Variants in USP45 observed in about 807,000 individuals in gnomAD.
USP45 encodes the protein ubiquitin carboxyl-terminal hydrolase 45.
In USP45, 89 loss-of-function variants were observed where a neutral mutation model predicts 95.8. That is an observed-to-expected ratio of 0.93 (90% CI 0.78 to 1.11). The LOEUF is 1.11. Among genes scored for constraint, USP45 ranks in the 50% least tolerant of loss-of-function variants. USP45 has a pLI of 0.00. For missense variants in USP45, 898 were observed against 942.5 expected (o/e 0.95, Z 0.62); for synonymous variants, 281 against 316.2 (o/e 0.89, Z 1.18).
intron 9 of USP45, among the ~76,000 whole-genome samples, chr6:99,471,823 AG>A (rs1464094694): frequency 2.0e-5 from 3 of 152,208 alleles, no homozygotes; most frequent in Admixed American, 2.0e-4. Context: ...CTACAACAAC[AG>A]CATGATTAAC....
chr6:99,464,421 G>A (rs1787362586), intron 13 of USP45, among the ~76,000 whole-genome samples, 183 bp downstream of exon 13: 1 of 152,182 alleles, frequency 6.6e-6, no homozygotes, highest in African/African-American at 2.4e-5. Flanking sequence ...GTCTGGGATG[G>A]GAGGAAGGGG....
rs1403331410 is a variant in USP45 at position 99,435,105 on chromosome 6, T to C, written c.*611A>G. The C allele has an allele frequency of 1.3e-5, 2 of 152,722 alleles. No individual in the cohort carries two copies. Among genetic ancestry groups the C allele is most frequent in the Admixed American group, 6.5e-5 (1 of 15,282 alleles). The allele number at this position is 152,722 out of a possible 1,614,324, so 9.5% of individuals were successfully genotyped here. A position where few individuals can be genotyped will look rare whatever the true frequency, so the allele number is the denominator to read the frequency against. On this transcript the variant is annotated 3_prime_UTR_variant, in exon 18 of 18. Transcript: ENST00000500704. ...TATTAGGTGTTACTTCATGAAATTA[T>C]GTGTTATAGCAGTTTCCTAAATGGT...
chr6:99,503,739 A>T, intron 5 of USP45, 26 bp downstream of exon 5: 1 of 1,434,528 alleles, frequency 7.0e-7, no homozygotes, highest in Middle Eastern at 1.8e-4. Context: ...TTTAACACAG[A>T]TTCCTTTAGT....
chr6:99,511,716 C>T (rs1799846705), intron 1 of USP45, among the ~76,000 whole-genome samples: 1 of 151,586 alleles, frequency 6.6e-6, no homozygotes, highest in African/African-American at 2.4e-5. Context: ...GCTTCCCAAA[C>T]TGCTGGGATT....
At chr6:99,516,809 T>C (rs7759598), upstream of USP45, among the ~76,000 whole-genome samples, 37,006 of 152,102 alleles carry the variant, frequency 0.24, 4,788 homozygotes, top group East Asian at 0.37. Flanking sequence ...CTTGAGCAAA[T>C]CTAAATAATT....
intron 10 of USP45, 48 bp from the exon 11 acceptor site, chr6:99,466,811 C>G (rs1788098242): frequency 7.0e-7 from 1 of 1,435,586 alleles, no homozygotes; most frequent in African/African-American, 1.4e-5. Flanking sequence ...AACCATCCAT[C>G]TAGCAGTATA....
intron 8 of USP45, among the ~76,000 whole-genome samples, chr6:99,477,802 C>T (rs1457278880): frequency 2.0e-5 from 3 of 152,160 alleles, no homozygotes; most frequent in African/African-American, 7.2e-5. Context: ...ACTTTATTAC[C>T]TTGATGGGCT....
chr6:99,463,291 TAGAG>T (rs1326008834), intron 13 of USP45, among the ~76,000 whole-genome samples: 1 of 152,138 alleles, frequency 6.6e-6, no homozygotes, highest in African/African-American at 2.4e-5. Context: ...GGTAATATCA[TAGAG>T]AGACATAAAA....
intron 10 of USP45, among the ~76,000 whole-genome samples, chr6:99,467,726 A>G (rs2128638852): frequency 6.6e-6 from 1 of 152,142 alleles, no homozygotes; most frequent in South Asian, 2.1e-4. Flanking sequence ...TCTCAACACA[A>G]AAGAACAAGG....
intron 13 of USP45, among the ~76,000 whole-genome samples, chr6:99,459,384 ACTG>A (rs1488976636): frequency 6.6e-5 from 10 of 152,042 alleles, no homozygotes; most frequent in African/African-American, 2.4e-4. Flanking sequence ...CCAAACTGTC[ACTG>A]ATCAGCATTT....
At chr6:99,440,857 A>G (rs573208691) in intron 15 of USP45, among the ~76,000 whole-genome samples, 3 of 152,282 alleles carry the variant, frequency 2.0e-5, no homozygotes, top group Admixed American at 2.0e-4. Context: ...TAAGCACCCA[A>G]TACCAGCACT....
At chr6:99,449,142 A>G (rs1186848512) in intron 13 of USP45, among the ~76,000 whole-genome samples, 2 of 151,994 alleles carry the variant, frequency 1.3e-5, no homozygotes, top group South Asian at 2.1e-4. Context: ...AGCTAACATC[A>G]TGACAGGATC....
chr6:99,511,205 T>A (rs1799704651), intron 1 of USP45, among the ~76,000 whole-genome samples: 1 of 151,856 alleles, frequency 6.6e-6, no homozygotes, highest in Admixed American at 6.6e-5. Context: ...ATTATTATTA[T>A]TTTGAGATGG....
chr6:99,508,520 A>T lies in USP45; in HGVS notation c.273+90T>A, dbSNP rs148441729. The T allele has an allele frequency of 4.9e-6, 6 of 1,231,282 alleles. No homozygotes were observed. The African/African-American group carries it at 6.1e-5, about 13-fold the overall frequency. 76.3% of individuals were successfully genotyped at this position (1,231,282 alleles called of 1,614,324 possible). On this transcript the variant is annotated intron_variant, in intron 3 of 17. Coordinates refer to ENST00000500704, the MANE Select transcript of USP45 (RefSeq NM_001346022.3). Reference sequence around the variant, plus strand: ...TCTAAATTGGAATAAATTTATCTTAACTCCTATGCATGACCAACAGTCCAA... The same window carrying T: ...TCTAAATTGGAATAAATTTATCTTATCTCCTATGCATGACCAACAGTCCAA...
Position 99,488,192 on chromosome 6 carries a change from T to C in USP45, c.714+8A>G. On this transcript the variant is annotated splice_region_variant and intron_variant, in intron 7 of 17. Coordinates refer to ENST00000500704, the MANE Select transcript of USP45 (RefSeq NM_001346022.3). ...AAAGCAGCTATTATTCAAACAGTTA[T>C]TACTCACCAGCTGAGAGTCTGAGGA... 1 of 1,583,572 alleles carries C rather than the reference T, an allele frequency of 6.3e-7. No homozygotes were observed. The highest frequency in any genetic ancestry group is 1.7e-4 in the Middle Eastern group (1 of 5,996).
chr6:99,437,130 TAAAGC>T (rs746102995), intron 17 of USP45, 111 bp downstream of exon 17: 35 of 962,194 alleles, frequency 3.6e-5, no homozygotes, highest in Non-Finnish European at 5.0e-5. Flanking sequence ...TAAGTTAAAA[TAAAGC>T]AAGCAAGCAA....
rs147891053 is a variant in USP45 at position 99,478,017 on chromosome 6, C to T, written c.846-1787G>A. ...GACTAGAGGAGGGAACAGGAGAATC[C>T]CTCAGAGATCTTCACTAGCCAAGTG... On this transcript the variant is annotated intron_variant, in intron 8 of 17. Transcript: ENST00000500704. Among the ~76,000 whole-genome samples the T allele has an allele frequency of 3.0e-3, 454 of 152,182 alleles. 1 individual carries two copies. The highest frequency in any genetic ancestry group is 5.7e-3 in the Non-Finnish European group (386 of 67,996).
rs1327874038 is a variant in USP45 at position 99,456,952 on chromosome 6, G to A, written c.1308+7652C>T. ...AACATACCTGAGAAAGAGAATGCGTGCCTGGGGGTAGGCCTATGAATGGCC... is the reference window on the plus strand; with the variant it reads ...AACATACCTGAGAAAGAGAATGCGTACCTGGGGGTAGGCCTATGAATGGCC... On this transcript the variant is annotated intron_variant, in intron 13 of 17. Transcript: ENST00000500704. Among the ~76,000 whole-genome samples, 6 of 152,302 alleles carry A rather than the reference G, an allele frequency of 3.9e-5. No homozygotes were observed. In the East Asian group the frequency reaches 5.8e-4, roughly 15 times the overall value.
rs548634187 is a variant in USP45 at position 99,506,245 on chromosome 6, C to T, written c.377+1183G>A. Among the ~76,000 whole-genome samples the T allele has an allele frequency of 3.3e-5, 5 of 152,318 alleles. No homozygotes were observed. In the East Asian group the frequency reaches 9.6e-4, roughly 29 times the overall value. On this transcript the variant is annotated intron_variant, in intron 4 of 17. Transcript: ENST00000500704. ...CAAGTTGGAAAATTATTGTAAAACACAGAGGAAGCATTTCAACATAGTGTC... is the reference window on the plus strand; with the variant it reads ...CAAGTTGGAAAATTATTGTAAAACATAGAGGAAGCATTTCAACATAGTGTC...
Sources: gnomAD v4.1 joint callset for allele counts (sites outside exome capture counted in the v4.1 genomes callset) on GRCh38, gnomAD v4.1.1 for gene constraint, MANE v1.5 for transcripts, NCBI Gene and HGNC (gene_info 2026-07-23, HGNC 2026-07-21) for gene names.